Variants in EFHC2 observed in about 807,000 individuals in gnomAD.
EFHC2 encodes EF-hand domain containing 2.
In EFHC2, 18 loss-of-function variants were observed where a neutral mutation model predicts 52.7. That is an observed-to-expected ratio of 0.34 (90% CI 0.24 to 0.51). The LOEUF (loss-of-function observed/expected upper bound fraction) is 0.51. EFHC2 is among the 20% of genes least tolerant of loss of function. The pLI is 0.97. For synonymous variants in EFHC2, 203 were observed against 204.1 expected, an observed-to-expected ratio of 0.99 and a Z score of 0.04; for missense variants, 513 against 562.5, an observed-to-expected ratio of 0.91 and a Z score of 0.89.
chrX:44,183,248 G>A (rs927878499), intron 11 of EFHC2, among the ~76,000 whole-genome samples: 4 of 111,668 alleles, frequency 3.6e-5, no homozygotes, highest in African/African-American at 1.3e-4. Context: ...CGACAATTAG[G>A]TAGCACCCTT....
chrX:44,269,906 T>C (rs1331429250), intron 3 of EFHC2, among the ~76,000 whole-genome samples: 3 of 111,588 alleles, frequency 2.7e-5, no homozygotes, highest in Non-Finnish European at 1.9e-5. Flanking sequence ...AGGCACTTTT[T>C]CATTAGATAT....
intron 14 of EFHC2, 64 bp downstream of exon 14, chrX:44,163,858 A>G (rs2036675790): frequency 1.4e-6 from 1 of 736,607 alleles, no homozygotes; most frequent in African/African-American, 2.1e-5. Context: ...ATTTAAAGAT[A>G]AAGGATATTA....
At chrX:44,273,086 C>T (rs891977570) in intron 2 of EFHC2, among the ~76,000 whole-genome samples, 6 of 112,696 alleles carry the variant, frequency 5.3e-5, no homozygotes. Context: ...ATACATCCAT[C>T]GTTCAGCTCT....
intron 2 of EFHC2, among the ~76,000 whole-genome samples, chrX:44,297,337 G>C (rs973767058): frequency 1.1e-4 from 12 of 110,964 alleles, no homozygotes; most frequent in African/African-American, 3.9e-4. Flanking sequence ...ACTGCACACA[G>C]AGTTAATTTC....
At chrX:44,177,784 C>T (rs367897964) in intron 12 of EFHC2, among the ~76,000 whole-genome samples, 3 of 110,415 alleles carry the variant, frequency 2.7e-5, no homozygotes, top group East Asian at 5.6e-4. Flanking sequence ...TGTAAAAAGA[C>T]GACATCTCAG....
chrX:44,275,983 C>T (rs2037654855), intron 2 of EFHC2, among the ~76,000 whole-genome samples: 1 of 109,628 alleles, frequency 9.1e-6, no homozygotes, highest in African/African-American at 3.3e-5. Flanking sequence ...TTCTTGAAAA[C>T]GGAATATAAA....
At chrX:44,338,979 T>C (rs1479704616) in intron 1 of EFHC2, among the ~76,000 whole-genome samples, 1 of 109,975 alleles carries the variant, frequency 9.1e-6, no homozygotes, top group Non-Finnish European at 1.9e-5. Flanking sequence ...TCAACTGAGG[T>C]CAGGAGTTCG....
At chrX:44,318,690 A>G (rs2037997778) in intron 1 of EFHC2, among the ~76,000 whole-genome samples, 1 of 111,687 alleles carries the variant, frequency 9.0e-6, no homozygotes, top group South Asian at 3.7e-4. Context: ...TAATATGTGC[A>G]CATACTCGTG....
intron 2 of EFHC2, among the ~76,000 whole-genome samples, chrX:44,280,270 C>A (rs763661310): frequency 3.6e-4 from 39 of 109,594 alleles, no homozygotes; most frequent in African/African-American, 1.2e-3. Flanking sequence ...AAAAAAAAAA[C>A]AGCATTTTAC....
intron 11 of EFHC2, among the ~76,000 whole-genome samples, chrX:44,179,338 C>T (rs748207624): frequency 1.8e-5 from 2 of 112,067 alleles, no homozygotes; most frequent in South Asian, 3.7e-4. Flanking sequence ...ATGGTGGTTA[C>T]AGGAATAAGC....
At chrX:44,283,375 G>A (rs752576126) in intron 2 of EFHC2, among the ~76,000 whole-genome samples, 8 of 110,844 alleles carry the variant, frequency 7.2e-5, no homozygotes, top group African/African-American at 1.6e-4. Context: ...GTAGAGACGG[G>A]GTTTCACCGT....
chrX:44,199,764 G>A (rs2036992984), intron 11 of EFHC2, among the ~76,000 whole-genome samples: 1 of 112,164 alleles, frequency 8.9e-6, no homozygotes, highest in South Asian at 3.7e-4. Flanking sequence ...TTGATATGAT[G>A]TTCTAAGAAG....
At chrX:44,167,328 C>T (rs1013742403) in intron 13 of EFHC2, among the ~76,000 whole-genome samples, 1 of 111,959 alleles carries the variant, frequency 8.9e-6, no homozygotes, top group Non-Finnish European at 1.9e-5. Context: ...GTCCCTATGC[C>T]TGAATTTGCA....
At chrX:44,319,002 C>CT (rs561439134) in intron 1 of EFHC2, among the ~76,000 whole-genome samples, 11,417 of 91,289 alleles carry the variant, frequency 0.13, 714 homozygotes, top group Admixed American at 0.16. Flanking sequence ...AGGCAAAAGA[C>CT]TTTTTTTTTT....
At chrX:44,192,061 A>T (rs188518136) in intron 11 of EFHC2, among the ~76,000 whole-genome samples, 1 of 95,338 alleles carries the variant, frequency 1.0e-5, no homozygotes, top group Non-Finnish European at 2.1e-5. Context: ...CACATATGTA[A>T]GTGTGTGTGT....
chrX:44,178,129 T>TCTCACACA (rs779701339), intron 12 of EFHC2, among the ~76,000 whole-genome samples: 37 of 83,951 alleles, frequency 4.4e-4, no homozygotes, highest in African/African-American at 1.6e-3. Flanking sequence ...AGATGCCATA[T>TCTCACACA]CACACACACA....
At chrX:44,324,870 C>A (rs764146131) in intron 1 of EFHC2, among the ~76,000 whole-genome samples, 4 of 112,041 alleles carry the variant, frequency 3.6e-5, no homozygotes, top group African/African-American at 6.5e-5. Flanking sequence ...ATTTCCAATT[C>A]TCTTGCTAAA....
chrX:44,337,810 A>G (rs1054902433), intron 1 of EFHC2, among the ~76,000 whole-genome samples: 1 of 112,305 alleles, frequency 8.9e-6, no homozygotes, highest in Non-Finnish European at 1.9e-5. Context: ...TTTCAAATCC[A>G]TGTGAGCAAT....
At chrX:44,205,576 CA>C (rs1326471048) in intron 11 of EFHC2, among the ~76,000 whole-genome samples, 4 of 110,411 alleles carry the variant, frequency 3.6e-5, no homozygotes, top group Non-Finnish European at 7.6e-5. Context: ...CAGATAAAAC[CA>C]ACAACATTAA....
Sources: gnomAD v4.1 joint callset for allele counts (sites outside exome capture counted in the v4.1 genomes callset) on GRCh38, gnomAD v4.1.1 for gene constraint, MANE v1.5 for transcripts, NCBI Gene and HGNC (gene_info 2026-07-23, HGNC 2026-07-21) for gene names.